Variants in XYLT2 observed in about 807,000 individuals in gnomAD.
The protein encoded by XYLT2 is xylosyltransferase 2.
A neutral mutation model predicts 82.6 loss-of-function variants in XYLT2; 37 were observed. That is an observed-to-expected ratio of 0.45 (90% CI 0.34 to 0.59). The LOEUF (loss-of-function observed/expected upper bound fraction) is 0.59, where lower values mean the gene tolerates loss of function less well. Ranked by LOEUF, XYLT2 falls within the 20% of genes least tolerant of loss-of-function variation. XYLT2 has a pLI of 0.01. For missense variants in XYLT2, 934 were observed against 1,181.3 expected, an observed-to-expected ratio of 0.79 and a Z score of 3.07; for synonymous variants, 474 against 499.0, an observed-to-expected ratio of 0.95 and a Z score of 0.67.
At chr17:50,347,007 A>C (rs1912070337) in intron 1 of XYLT2, 1 of 907,936 alleles carries the variant, frequency 1.1e-6, no homozygotes, top group Non-Finnish European at 1.3e-6. Context: ...ACTGTAACAG[A>C]GCCCCAGCCG....
chr17:50,360,448 A>G lies in XYLT2; in HGVS notation c.*157A>G, dbSNP rs1379853147. ...AGACGGCAGGGAAGGTGGACACAGT[A>G]TGAACTACTGCTGATGTCTCTGTTG... On this transcript the variant is annotated 3_prime_UTR_variant, in exon 11 of 11. Transcript: ENST00000017003. 10 of 1,419,674 alleles carry G rather than the reference A, an allele frequency of 7.0e-6. No homozygotes were observed. Among genetic ancestry groups the G allele is most frequent in the Non-Finnish European group, 9.2e-6 (10 of 1,090,972 alleles). 87.9% of individuals were successfully genotyped at this position (1,419,674 alleles called of 1,614,324 possible). A position where few individuals can be genotyped will look rare whatever the true frequency, so the allele number is the denominator to read the frequency against.
chr17:50,356,738 C>CA lies in XYLT2; in HGVS notation c.1711dup (p.Thr571AsnfsTer14). The CA allele has an allele frequency of 6.2e-7, 1 of 1,606,712 alleles. No individual in the cohort carries two copies. The highest frequency in any genetic ancestry group is 8.5e-7 in the Non-Finnish European group (1 of 1,179,880). ...CCCGCCTCAGCCTGCACCATGCCGC[C>CA]ACTGCTGCACCCCCAATGGGCACCC... On this transcript the variant is annotated frameshift_variant, in exon 8 of 11. Coordinates refer to ENST00000017003, the MANE Select transcript of XYLT2 (RefSeq NM_022167.4). LOFTEE classifies it high-confidence loss of function.
chr17:50,360,575 T>TC lies in XYLT2; in HGVS notation c.*284_*285insC, dbSNP rs1555596874. ...TAGTTTGAATTTCTTTTTTTTCTTT[T>TC]TTTTTTTTTTTTTTTAATTTAAAAA... On this transcript the variant is annotated 3_prime_UTR_variant, in exon 11 of 11. Transcript: ENST00000017003. 3.5e-4 allele frequency: 381 copies of TC among 1,099,322 alleles called. No individual in the cohort carries two copies. Among genetic ancestry groups the TC allele is most frequent in the Non-Finnish European group, 3.8e-4 (343 of 897,096 alleles). 68.1% of individuals were successfully genotyped at this position (1,099,322 alleles called of 1,614,324 possible).
Position 50,353,702 on chromosome 17 carries a change from C to T in XYLT2, c.208C>T (p.Arg70Ter), listed in dbSNP as rs748355469. 2.6e-6 allele frequency: 4 copies of T among 1,561,874 alleles called. No homozygotes were observed. Among genetic ancestry groups the T allele is most frequent in the East Asian group, 2.4e-5 (1 of 42,088 alleles). ...CAAGGACACAGACAGTTCAGCAGGG[C>T]GACGGGGCAGCACAGGCAGAAGGCA... ...GSKDTDSSAG[R>*]RGSTGRRHGR... Residue 70 changes from arginine to a stop codon, truncating the protein, a stop_gained, in exon 2 of 11, where the codon CGA becomes TGA. Coordinates refer to ENST00000017003, the MANE Select transcript of XYLT2 (RefSeq NM_022167.4). LOFTEE classifies it high-confidence loss of function.
At chr17:50,357,302 G>A (rs774844172) in intron 9 of XYLT2, 50 bp downstream of exon 9, 2 of 1,488,938 alleles carry the variant, frequency 1.3e-6, no homozygotes, top group South Asian at 1.3e-5. Flanking sequence ...CCAGACTTGG[G>A]GTAGTGGGAA....
intron 9 of XYLT2, chr17:50,357,799 C>T (rs1364872854): frequency 1.1e-5 from 2 of 180,088 alleles, no homozygotes; most frequent in African/African-American, 4.7e-5. Context: ...CCAGGATGAT[C>T]TCGATCTCCT....
chr17:50,346,197 C>G lies in XYLT2; in HGVS notation c.57C>G (p.Ala19=). 2 of 1,295,274 alleles carry G rather than the reference C, an allele frequency of 1.5e-6. No individual in the cohort carries two copies. The highest frequency in any genetic ancestry group is 2.0e-6 in the Non-Finnish European group (2 of 995,512). 80.2% of individuals were successfully genotyped at this position (1,295,274 alleles called of 1,614,324 possible). A position where few individuals can be genotyped will look rare whatever the true frequency, so the allele number is the denominator to read the frequency against. The change falls in exon 1 of 11, where the codon GCC becomes GCG. Residue 19 remains alanine (A), a synonymous_variant. Transcript: ENST00000017003. The surrounding 1 kb of genome is among the most constrained non-coding windows in gnomAD (Gnocchi z 5.1). The part of the protein sequence containing the change: ...KLVRRYKLAI[A]TALAILLLQG... ...TGCGGCGCTACAAGCTGGCGATTGC[C>G]ACGGCGCTGGCCATCCTGCTGCTGC...
intron 10 of XYLT2, 170 bp from the exon 11 acceptor site, chr17:50,359,799 C>G: frequency 1.6e-6 from 1 of 624,726 alleles, no homozygotes; most frequent in Non-Finnish European, 2.8e-6. Context: ...TTATAAAACT[C>G]AGTTTTATAG....
chr17:50,357,439 G>A, intron 9 of XYLT2, 187 bp downstream of exon 9: 3 of 585,910 alleles, frequency 5.1e-6, no homozygotes, highest in East Asian at 6.0e-5. Flanking sequence ...CCTCCTGGTT[G>A]GGGTATGCAG....
Position 50,360,115 on chromosome 17 carries a change from C to T in XYLT2, c.2422C>T (p.Leu808Phe). Reference protein sequence around the residue: ...QRHTQLTGPALEAWTDRELSS... With the variant: ...QRHTQLTGPAFEAWTDRELSS... The stretch of plus-strand genomic sequence containing the variant: ...GCACACACAGCTCACAGGCCCTGCG[C>T]TCGAGGCCTGGACAGACAGGGAACT... The change falls in exon 11 of 11, where the codon CTC becomes TTC. Residue 808 changes from leucine (L) to phenylalanine (F), a missense_variant. Coordinates refer to ENST00000017003, the MANE Select transcript of XYLT2 (RefSeq NM_022167.4). 6.2e-7 allele frequency: 1 copy of T among 1,613,968 alleles called. No individual in the cohort carries two copies. The highest frequency in any genetic ancestry group is 8.5e-7 in the Non-Finnish European group (1 of 1,179,968).
rs149653689 is a variant in XYLT2 at position 50,354,550 on chromosome 17, C to A, written c.771C>A (p.His257Gln). ...QLKRLLKAVY[H>Q]EQHFFYIHVD... ...AGCGTCTCCTCAAGGCCGTTTATCA[C>A]GAGCAGCACTTCTTTTACATCCATG... The change falls in exon 3 of 11, where the codon CAC (histidine) becomes CAA (glutamine). Residue 257 changes from histidine to glutamine, a missense_variant. His to Gln is a conservative substitution (Grantham distance 24, BLOSUM62 0). This residue lies in a region of XYLT2 where 371 missense variants were observed against 394.9 expected (regional missense o/e 0.94). Transcript: ENST00000017003. 2.3e-5 allele frequency: 37 copies of A among 1,611,794 alleles called. No individual in the cohort carries two copies. The South Asian group carries it at 4.0e-4, about 17-fold the overall frequency.
At position 50,354,548 on chromosome 17, in the gene XYLT2, C is replaced by G; in HGVS notation, c.769C>G (p.His257Asp). Reference protein sequence around the residue: ...QLKRLLKAVYHEQHFFYIHVD... With the variant: ...QLKRLLKAVYDEQHFFYIHVD... ...GAAGCGTCTCCTCAAGGCCGTTTATCACGAGCAGCACTTCTTTTACATCCA... is the reference window on the plus strand; with the variant it reads ...GAAGCGTCTCCTCAAGGCCGTTTATGACGAGCAGCACTTCTTTTACATCCA... The change falls in exon 3 of 11, where the codon CAC becomes GAC. Residue 257 changes from histidine (H) to aspartate (D), a missense_variant. This residue lies in a region of XYLT2 where 371 missense variants were observed against 394.9 expected (regional missense o/e 0.94). Coordinates refer to ENST00000017003, the MANE Select transcript of XYLT2 (RefSeq NM_022167.4). 1 of 1,611,988 alleles carries G rather than the reference C, an allele frequency of 6.2e-7. No individual in the cohort carries two copies. Among genetic ancestry groups the G allele is most frequent in the Non-Finnish European group, 8.5e-7 (1 of 1,179,150 alleles).
chr17:50,349,747 G>C (rs939091388), intron 1 of XYLT2, among the ~76,000 whole-genome samples: 5 of 152,176 alleles, frequency 3.3e-5, no homozygotes, highest in Middle Eastern at 3.2e-3. Flanking sequence ...AGGGTAGTGG[G>C]TAGGTTGGGG....
chr17:50,350,498 C>G (rs1912219863), intron 1 of XYLT2, among the ~76,000 whole-genome samples: 1 of 125,362 alleles, frequency 8.0e-6, no homozygotes, highest in Non-Finnish European at 1.7e-5. Context: ...ACCCAAGAGG[C>G]AGAGGTTGGA....
At position 50,354,768 on chromosome 17, in the gene XYLT2, C is replaced by G. The variant is rs374114563; in HGVS notation, c.805-86C>G. 4 of 1,582,176 alleles carry G rather than the reference C, an allele frequency of 2.5e-6. No homozygotes were observed. The African/African-American group carries it at 4.0e-5, about 16-fold the overall frequency. On this transcript the variant is annotated intron_variant, in intron 3 of 10. Transcript: ENST00000017003. ...CTGGAGCCCTGCCCTGTGCTTTCCT[C>G]GTCTTGTGTCCCTTCACTCTGTCCT...
chr17:50,353,552 C>T, intron 1 of XYLT2, 78 bp from the exon 2 acceptor site: 8 of 1,509,594 alleles, frequency 5.3e-6, no homozygotes, highest in Non-Finnish European at 7.1e-6. Flanking sequence ...TCTGAGGGTG[C>T]CCCCAACCAA....
At chr17:50,357,316 A>AG (rs1325054267) in intron 9 of XYLT2, 64 bp downstream of exon 9, 6 of 1,444,646 alleles carry the variant, frequency 4.2e-6, no homozygotes, top group Non-Finnish European at 1.8e-6. Context: ...GTGGGAAGAG[A>AG]GGGACAGACA....
Position 50,346,769 on chromosome 17 carries a change from G to A in XYLT2, c.135+494G>A, listed in dbSNP as rs1338739863. 1 of 985,330 alleles carries A rather than the reference G, an allele frequency of 1.0e-6. No individual in the cohort carries two copies. Among genetic ancestry groups the A allele is most frequent in the Admixed American group, 6.1e-5 (1 of 16,274 alleles). 61.0% of individuals were successfully genotyped at this position (985,330 alleles called of 1,614,324 possible). On this transcript the variant is annotated intron_variant, in intron 1 of 10. Transcript: ENST00000017003. This position sits in a 1 kb window ranked among gnomAD's most constrained non-coding sequence, Gnocchi z 5.1. ...GCGGCCGGTGAGGAAGGGGAGCTCG[G>A]GGGTGGAATTCAGGCCTGGGACAAA...
At chr17:50,352,518 G>A (rs1912313796) in intron 1 of XYLT2, among the ~76,000 whole-genome samples, 1 of 152,226 alleles carries the variant, frequency 6.6e-6, no homozygotes. Context: ...CTGCATGCCA[G>A]GGGCCTTGGA....
Sources: gnomAD v4.1 joint callset for allele counts (sites outside exome capture counted in the v4.1 genomes callset) on GRCh38, gnomAD v4.1.1 for gene constraint, gnomAD v4.1.1 regional missense constraint, Gnocchi (gnomAD v3.1) non-coding constraint, MANE v1.5 for transcripts, NCBI Gene and HGNC (gene_info 2026-07-23, HGNC 2026-07-21) for gene names.